STK31: variants seen among roughly 807,000 people sequenced by gnomAD.
STK31 encodes the protein serine/threonine kinase 31, also known as serine/threonine-protein kinase 31.
A neutral mutation model predicts 129.7 loss-of-function variants in STK31; 89 were observed. That is an observed-to-expected ratio of 0.69 (90% confidence interval 0.58 to 0.82). The LOEUF (loss-of-function observed/expected upper bound fraction) is 0.82, where lower values mean the gene tolerates loss of function less well. Ranked by LOEUF, STK31 falls within the 40% of genes least tolerant of loss-of-function variation. The probability of loss-of-function intolerance (pLI) is 0.00; values close to 1 mark genes in which losing one functional copy is unlikely to be tolerated. For synonymous variants in STK31, 448 were observed against 395.3 expected, an observed-to-expected ratio of 1.13 and a Z score of -1.58; for missense variants, 1,187 against 1,176.4, an observed-to-expected ratio of 1.01 and a Z score of -0.13.
intron 22 of STK31, among the ~76,000 whole-genome samples, chr7:23,804,068 CTTTG>C (rs1206299348): frequency 6.6e-5 from 10 of 151,958 alleles, no homozygotes. Flanking sequence ...GGCCCCCTTT[CTTTG>C]TTTATTTTTA....
At chr7:23,742,563 G>A (rs1788110975) in intron 8 of STK31, among the ~76,000 whole-genome samples, 1 of 152,172 alleles carries the variant, frequency 6.6e-6, no homozygotes, top group South Asian at 2.1e-4. Context: ...TGGATCGAGG[G>A]TTTCTCCTAT....
At chr7:23,808,043 T>C (rs1014171683) in intron 22 of STK31, among the ~76,000 whole-genome samples, 2 of 151,816 alleles carry the variant, frequency 1.3e-5, no homozygotes, top group African/African-American at 4.8e-5. Flanking sequence ...CCGGTGGTTG[T>C]CTTTTTCTCA....
chr7:23,752,337 A>G (rs1788760315), intron 8 of STK31, among the ~76,000 whole-genome samples: 2 of 146,164 alleles, frequency 1.4e-5, no homozygotes, highest in Admixed American at 1.4e-4. Flanking sequence ...ATTATATTTT[A>G]TTCAAATTTG....
intron 15 of STK31, among the ~76,000 whole-genome samples, chr7:23,776,523 A>G (rs1189392188): frequency 6.6e-6 from 1 of 152,152 alleles, no homozygotes; most frequent in African/African-American, 2.4e-5. Flanking sequence ...TTGTTGGTCT[A>G]TTCAGGGATT....
chr7:23,746,062 T>C (rs895593504), intron 8 of STK31, among the ~76,000 whole-genome samples: 1 of 152,184 alleles, frequency 6.6e-6, no homozygotes, highest in Non-Finnish European at 1.5e-5. Context: ...TCAGCTTTGC[T>C]CCAGGGTTGT....
intron 15 of STK31, among the ~76,000 whole-genome samples, chr7:23,775,083 G>C (rs1288304999): frequency 6.6e-6 from 1 of 152,060 alleles, no homozygotes; most frequent in African/African-American, 2.4e-5. Flanking sequence ...TTATTAAATA[G>C]GGAATCCTTT....
At chr7:23,718,629 A>G (rs1786502366) in intron 4 of STK31, among the ~76,000 whole-genome samples, 1 of 152,246 alleles carries the variant, frequency 6.6e-6, no homozygotes, top group African/African-American at 2.4e-5. Context: ...TTTGTTCAAC[A>G]TAATTTCTGA....
At chr7:23,780,834 T>C (rs993555970) in intron 15 of STK31, among the ~76,000 whole-genome samples, 1 of 152,212 alleles carries the variant, frequency 6.6e-6, no homozygotes, top group African/African-American at 2.4e-5. Flanking sequence ...GCAGGGTTTT[T>C]ATGGTTGTAG....
At chr7:23,827,022 C>T (rs1794199555) in intron 23 of STK31, among the ~76,000 whole-genome samples, 1 of 152,120 alleles carries the variant, frequency 6.6e-6, no homozygotes, top group Non-Finnish European at 1.5e-5. Context: ...CTCTGGCTGC[C>T]GTTAACATTT....
intron 18 of STK31, among the ~76,000 whole-genome samples, chr7:23,785,821 A>T (rs1198642876): frequency 1.3e-5 from 2 of 149,456 alleles, no homozygotes; most frequent in Non-Finnish European, 3.0e-5. Flanking sequence ...AGGGCGGGGA[A>T]CATCACCCGT....
intron 22 of STK31, among the ~76,000 whole-genome samples, chr7:23,810,890 A>G (rs1434610562): frequency 1.4e-5 from 2 of 139,438 alleles, no homozygotes; most frequent in African/African-American, 5.3e-5. Context: ...TATAATATAT[A>G]TTTATATATA....
chr7:23,821,327 A>AT (rs1256978546), intron 23 of STK31, among the ~76,000 whole-genome samples: 6 of 152,076 alleles, frequency 3.9e-5, no homozygotes, highest in Non-Finnish European at 5.9e-5. Flanking sequence ...GTATTTGGCT[A>AT]TTTTTTGTCA....
At chr7:23,718,345 G>C (rs1043569774) in intron 4 of STK31, among the ~76,000 whole-genome samples, 1 of 152,072 alleles carries the variant, frequency 6.6e-6, no homozygotes, top group Non-Finnish European at 1.5e-5. Context: ...TTTTTACTGA[G>C]TTATAACTTG....
Position 23,735,805 on chromosome 7 carries a change from A to G in STK31, c.751A>G (p.Thr251Ala), listed in dbSNP as rs891691581. 4.3e-6 allele frequency: 7 copies of G among 1,614,052 alleles called. No homozygotes were observed. The highest frequency in any genetic ancestry group is 2.7e-5 in the African/African-American group (2 of 74,930). ...PLWGHRSNQS[T>A]FSRPKGHLSE... ...GTGGGGGCATAGATCAAACCAGTCA[A>G]CCTTCAGCAGGCCCAAGGGGCACTT... Residue 251 changes from threonine to alanine, a missense_variant, in exon 7 of 24, where the codon ACC becomes GCC. Physicochemically the swap from Thr to Ala is moderately conservative, Grantham distance 58. Around this residue, in one of 5 missense-constraint regions of STK31, gnomAD observed 975 missense variants for 934.9 expected, o/e 1.04. Transcript: ENST00000355870.
chr7:23,741,169 T>C (rs1043592948), intron 8 of STK31, among the ~76,000 whole-genome samples: 1 of 152,214 alleles, frequency 6.6e-6, no homozygotes, highest in Non-Finnish European at 1.5e-5. Context: ...AGTAGTCTGA[T>C]AGCTTCCTTG....
rs1262536173 is a variant in STK31 at position 23,824,960 on chromosome 7, G to A, written c.2830-7176G>A. 2.6e-5 allele frequency among the ~76,000 whole-genome samples: 4 copies of A among 152,226 alleles called. No individual in the cohort carries two copies. In the South Asian group the frequency reaches 8.3e-4, roughly 32 times the overall value. The stretch of plus-strand genomic sequence containing the variant: ...CCAGGGATGAAGCCCACTTGATCAT[G>A]GTGGGTAAGCTTTTTGATGTGTTGC... On this transcript the variant is annotated intron_variant, in intron 23 of 23. Coordinates refer to ENST00000355870, the MANE Select transcript of STK31 (RefSeq NM_031414.5).
chr7:23,720,810 A>G (rs12535750), intron 4 of STK31, among the ~76,000 whole-genome samples: 24,149 of 152,180 alleles, frequency 0.16, 2,232 homozygotes, highest in East Asian at 0.22. Context: ...TTTTGTACCC[A>G]TATATTACCC....
intron 21 of STK31, among the ~76,000 whole-genome samples, chr7:23,789,470 T>C (rs938744611): frequency 6.6e-6 from 1 of 152,116 alleles, no homozygotes; most frequent in Non-Finnish European, 1.5e-5. Context: ...TTGACTAGTA[T>C]ATGTTATAAT....
chr7:23,738,070 C>G (rs1002151019), intron 8 of STK31, among the ~76,000 whole-genome samples: 3 of 152,148 alleles, frequency 2.0e-5, no homozygotes, highest in Non-Finnish European at 2.9e-5. Flanking sequence ...ATGCCAGCCA[C>G]AAATGGGGTC....
Sources: gnomAD v4.1 joint callset for allele counts (sites outside exome capture counted in the v4.1 genomes callset) on GRCh38, gnomAD v4.1.1 for gene constraint, gnomAD v4.1.1 regional missense constraint, MANE v1.5 for transcripts, NCBI Gene and HGNC (gene_info 2026-07-23, HGNC 2026-07-21) for gene names.